Variants in PTPRD observed in about 807,000 individuals in gnomAD.
The protein encoded by PTPRD is protein tyrosine phosphatase receptor type D, also known as receptor-type tyrosine-protein phosphatase delta.
PTPRD carries 34 observed loss-of-function variants against 214.5 expected under a neutral mutation model. That is an observed-to-expected ratio of 0.16 (90% CI 0.12 to 0.21). The LOEUF (loss-of-function observed/expected upper bound fraction) is 0.21. PTPRD is among the 10% of genes least tolerant of loss of function. The probability of loss-of-function intolerance (pLI) is 1.00; values close to 1 mark genes in which losing one functional copy is unlikely to be tolerated. For missense variants in PTPRD, 2,545 were observed against 2,398.7 expected, an observed-to-expected ratio of 1.06 and a Z score of -1.27; for synonymous variants, 1,128 against 845.7, an observed-to-expected ratio of 1.33 and a Z score of -5.79.
intron 44 of PTPRD, among the ~76,000 whole-genome samples, chr9:8,324,844 A>C (rs1172637101): frequency 6.6e-6 from 1 of 152,146 alleles, no homozygotes; most frequent in African/African-American, 2.4e-5. Flanking sequence ...CATTTCTCTA[A>C]TGACCAGTGA....
intron 6 of PTPRD, among the ~76,000 whole-genome samples, chr9:9,764,663 C>A (rs1052884528): frequency 2.0e-5 from 3 of 151,958 alleles, no homozygotes; most frequent in African/African-American, 7.3e-5. Flanking sequence ...ACACTTTAGG[C>A]TAATTGTATC....
chr9:10,107,255 T>G (rs539533233), intron 3 of PTPRD, among the ~76,000 whole-genome samples: 33 of 152,018 alleles, frequency 2.2e-4, no homozygotes, highest in African/African-American at 8.0e-4. Flanking sequence ...GCCAGCAACA[T>G]TGTAGAAATG....
rs757924689 is a variant in PTPRD at position 8,597,691 on chromosome 9, T to C, written c.352+35626A>G. On this transcript the variant is annotated intron_variant, in intron 14 of 45. Coordinates refer to ENST00000381196, the MANE Select transcript of PTPRD (RefSeq NM_002839.4). Reference sequence around the variant, plus strand: ...GCTCACTGATGTTCCCAAGGAGTTGTGTTTCTTTATTCAATATGGCCCTGA... The same window carrying C: ...GCTCACTGATGTTCCCAAGGAGTTGCGTTTCTTTATTCAATATGGCCCTGA... Among the ~76,000 whole-genome samples the C allele has an allele frequency of 5.9e-5, 9 of 152,144 alleles. No homozygotes were observed. The South Asian group carries it at 6.2e-4, about 10-fold the overall frequency.
chr9:9,835,285 C>T (rs571238284), intron 5 of PTPRD, among the ~76,000 whole-genome samples: 4 of 152,174 alleles, frequency 2.6e-5, no homozygotes, highest in African/African-American at 7.2e-5. Context: ...AACCATACAA[C>T]CCCTGAGACT....
rs1465046429 is a variant in PTPRD, at chr9:9,697,293, TTC to T, written c.-287+37238_-287+37239del. ...AGTGAACTTAATAACTTCAAATGTT[TTC>T]TCTTTGCATATTAGTGTTATTTTTT... On this transcript the variant is annotated intron_variant, in intron 7 of 45. Transcript: ENST00000381196. Among the ~76,000 whole-genome samples the T allele has an allele frequency of 3.3e-5, 5 of 152,224 alleles. No individual in the cohort carries two copies. In the East Asian group the frequency reaches 9.7e-4, roughly 29 times the overall value.
At chr9:10,136,353 G>C (rs1008481202) in intron 3 of PTPRD, among the ~76,000 whole-genome samples, 2 of 151,902 alleles carry the variant, frequency 1.3e-5, no homozygotes, top group African/African-American at 4.8e-5. Flanking sequence ...AGAAATTTTG[G>C]ACTTAAACTC....
intron 14 of PTPRD, among the ~76,000 whole-genome samples, chr9:8,552,893 G>A (rs905519696): frequency 6.6e-6 from 1 of 152,150 alleles, no homozygotes; most frequent in African/African-American, 2.4e-5. Context: ...GCCGCTGTGT[G>A]ACAAACACTT....
At chr9:9,014,213 T>TA (rs2099524696) in intron 11 of PTPRD, among the ~76,000 whole-genome samples, 1 of 143,082 alleles carries the variant, frequency 7.0e-6, no homozygotes, top group African/African-American at 2.6e-5. Flanking sequence ...TTTTTTTTTT[T>TA]CTGGAAGCAT....
intron 11 of PTPRD, among the ~76,000 whole-genome samples, chr9:8,974,681 T>C (rs1450741179): frequency 6.6e-6 from 1 of 152,108 alleles, no homozygotes; most frequent in East Asian, 1.9e-4. Flanking sequence ...GCTTACTCTA[T>C]GTCATCTATA....
At chr9:9,188,705 G>C (rs754753809) in intron 9 of PTPRD, among the ~76,000 whole-genome samples, 4 of 151,986 alleles carry the variant, frequency 2.6e-5, no homozygotes, top group Admixed American at 1.3e-4. Context: ...CCTGGAAGTA[G>C]GGAGATCCTT....
At chr9:9,437,029 TTTCC>T (rs1290487122) in intron 8 of PTPRD, among the ~76,000 whole-genome samples, 89 of 152,216 alleles carry the variant, frequency 5.8e-4, no homozygotes, top group Non-Finnish European at 1.5e-4. Context: ...ATGCAGATCT[TTTCC>T]TTCATTGGAA....
chr9:9,743,387 C>G (rs2098424007), intron 6 of PTPRD, among the ~76,000 whole-genome samples: 1 of 152,062 alleles, frequency 6.6e-6, no homozygotes, highest in South Asian at 2.1e-4. Context: ...TATATATAAA[C>G]AGAAGATCTT....
At position 10,076,751 on chromosome 9, in the gene PTPRD, G is replaced by A. The variant is rs140891475; in HGVS notation, c.-544-42961C>T. Among the ~76,000 whole-genome samples, 10 of 152,240 alleles carry A rather than the reference G, an allele frequency of 6.6e-5. No homozygotes were observed. The East Asian group carries it at 1.9e-3, about 30-fold the overall frequency. ...CAAGATGGCAGTAAGAACTCCAGAG[G>A]AAAATGTATTTGAGAAAATCACGCT... On this transcript the variant is annotated intron_variant, in intron 3 of 45. Coordinates refer to ENST00000381196, the MANE Select transcript of PTPRD (RefSeq NM_002839.4).
In PTPRD at chr9:8,617,327, G is replaced by T. The variant is rs79180918; in HGVS notation, c.352+15990C>A. On this transcript the variant is annotated intron_variant, in intron 14 of 45. Coordinates refer to ENST00000381196, the MANE Select transcript of PTPRD (RefSeq NM_002839.4). ...TTGGTCGATGAAGCACCCATATTAT[G>T]ATCTGAGAGGCAGCTGAGATTTGTG... 7.9e-3 allele frequency among the ~76,000 whole-genome samples: 1,203 copies of T among 152,202 alleles called. 11 individuals are homozygous for T. The highest frequency in any genetic ancestry group is 0.028 in the African/African-American group (1,144 of 41,552).
At chr9:8,566,005 C>G (rs1189917578) in intron 14 of PTPRD, among the ~76,000 whole-genome samples, 2 of 151,778 alleles carry the variant, frequency 1.3e-5, no homozygotes, top group African/African-American at 4.8e-5. Context: ...AGGTTATAAA[C>G]CAGGGCTCCC....
chr9:8,927,568 T>C (rs1041427963), intron 11 of PTPRD, among the ~76,000 whole-genome samples: 1 of 152,192 alleles, frequency 6.6e-6, no homozygotes, highest in Admixed American at 6.5e-5. Context: ...TAGTATTCCA[T>C]GGTGTATATA....
chr9:8,394,447 G>T (rs924845636), intron 36 of PTPRD, among the ~76,000 whole-genome samples: 2 of 152,126 alleles, frequency 1.3e-5, no homozygotes, highest in Admixed American at 1.3e-4. Context: ...GCATTTTAAA[G>T]TCTTGGGACA....
chr9:9,596,963 C>G (rs1218472450), intron 7 of PTPRD, among the ~76,000 whole-genome samples: 7 of 151,874 alleles, frequency 4.6e-5, no homozygotes, highest in Non-Finnish European at 2.9e-5. Context: ...CCCAAAGAAA[C>G]TGAAGGGATC....
intron 12 of PTPRD, among the ~76,000 whole-genome samples, chr9:8,696,188 G>C (rs1365662601): frequency 6.6e-6 from 1 of 152,038 alleles, no homozygotes; most frequent in African/African-American, 2.4e-5. Context: ...ACACAACAGA[G>C]AGAAGAGGAC....
Sources: allele counts gnomAD v4.1 joint callset (sites outside exome capture counted in the v4.1 genomes callset), GRCh38; gene constraint gnomAD v4.1.1; transcripts MANE v1.5; gene names NCBI Gene and HGNC (gene_info 2026-07-23, HGNC 2026-07-21).